The following CERS3 variants were observed in gnomAD, a reference collection of about 807,000 sequenced individuals.
The protein encoded by CERS3 is LAG1 homolog, ceramide synthase 3.
CERS3 carries 33 observed loss-of-function variants against 50.3 expected under a neutral mutation model. That is an observed-to-expected ratio of 0.66 (90% CI 0.50 to 0.88). The LOEUF (loss-of-function observed/expected upper bound fraction) is 0.88. Ranked by LOEUF, CERS3 falls within the 40% of genes least tolerant of loss-of-function variation. CERS3 has a pLI of 0.00. For missense variants in CERS3, 470 were observed against 460.3 expected (o/e 1.02, Z -0.19); for synonymous variants, 176 against 155.2 (o/e 1.13, Z -0.99).
chr15:100,463,738 G>T (rs2034625108), intron 10 of CERS3, among the ~76,000 whole-genome samples: 2 of 152,144 alleles, frequency 1.3e-5, no homozygotes, highest in Admixed American at 6.5e-5. Context: ...TGCAGTGGTG[G>T]CTCAAGGGAG....
chr15:100,410,842 A>C (rs1034323314), intron 11 of CERS3, among the ~76,000 whole-genome samples: 2 of 152,218 alleles, frequency 1.3e-5, no homozygotes, highest in Non-Finnish European at 2.9e-5. Flanking sequence ...TACTATGTTA[A>C]CCATCTTTAA....
rs914197026 is a variant in CERS3, at chr15:100,412,960, A to G, written c.1000-10095T>C. On this transcript the variant is annotated intron_variant, in intron 11 of 11. Coordinates refer to ENST00000679737, the MANE Select transcript of CERS3 (RefSeq NM_001378789.1). ...TCAGTCCCACCCTGTAGAGTGATAC[A>G]GCTTAGTGGCAGCAGAGCCCAGATT... Among the ~76,000 whole-genome samples, 7 of 152,178 alleles carry G rather than the reference A, an allele frequency of 4.6e-5. No homozygotes were observed. In the East Asian group the frequency reaches 1.3e-3, roughly 29 times the overall value.
intron 10 of CERS3, among the ~76,000 whole-genome samples, chr15:100,462,246 T>G (rs2034572386): frequency 6.6e-6 from 1 of 152,226 alleles, no homozygotes; most frequent in Non-Finnish European, 1.5e-5. Context: ...ATTGCAAAAC[T>G]CAGCTTTTTC....
At chr15:100,521,218 G>A (rs73475751) in intron 2 of CERS3, among the ~76,000 whole-genome samples, 5,126 of 152,172 alleles carry the variant, frequency 0.034, 158 homozygotes, top group Admixed American at 0.094. Context: ...ACTCTTCCTC[G>A]TACAAATGAT....
At position 100,541,458 on chromosome 15, in the gene CERS3, C is replaced by T. The variant is rs558034185; in HGVS notation, c.-355+3193G>A. ...CTGCACTCCAGCCTGGGTGACAGAG[C>T]GAGACTCCATCTTAAAAAAAAAAAG... On this transcript the variant is annotated intron_variant, in intron 1 of 12. Transcript: ENST00000284382. 2.5e-3 allele frequency among the ~76,000 whole-genome samples: 377 copies of T among 151,780 alleles called. 1 individual carries two copies. Among genetic ancestry groups the T allele is most frequent in the Admixed American group, 4.1e-3 (62 of 15,220 alleles).
intron 1 of CERS3, among the ~76,000 whole-genome samples, chr15:100,541,341 G>T (rs763480572): frequency 6.6e-6 from 1 of 152,118 alleles, no homozygotes; most frequent in African/African-American, 2.4e-5. Context: ...GCGTGATGGC[G>T]CATGCCTGTA....
rs2030623944 is a variant in CERS3 at position 100,402,516 on chromosome 15, TA to T, written c.*196del. On this transcript the variant is annotated 3_prime_UTR_variant, in exon 12 of 12. Transcript: ENST00000679737. ...TGACCAGTCTGAGTCCTAACTGCAG[TA>T]AAAATCCATGGGCATGCTTATATTT... 1 of 581,896 alleles carries T rather than the reference TA, an allele frequency of 1.7e-6. No homozygotes were observed. The highest frequency in any genetic ancestry group is 2.2e-5 in the South Asian group (1 of 46,124). 36.0% of individuals were successfully genotyped at this position (581,896 alleles called of 1,614,324 possible). A position where few individuals can be genotyped will look rare whatever the true frequency, so the allele number is the denominator to read the frequency against.
intron 1 of CERS3, among the ~76,000 whole-genome samples, chr15:100,543,512 C>T (rs1011075603): frequency 2.0e-5 from 3 of 150,428 alleles, no homozygotes; most frequent in African/African-American, 4.9e-5. Flanking sequence ...CCCTCCCTTC[C>T]TCTCCCTCCT....
Position 100,476,192 on chromosome 15 carries a change from G to T in CERS3, c.517-14C>A. The T allele has an allele frequency of 6.5e-7, 1 of 1,528,892 alleles. No individual in the cohort carries two copies. The highest frequency in any genetic ancestry group is 1.2e-5 in the South Asian group (1 of 80,120). The allele number at this position is 1,528,892 out of a possible 1,614,324, so 94.7% of individuals were successfully genotyped here. A position where few individuals can be genotyped will look rare whatever the true frequency, so the allele number is the denominator to read the frequency against. On this transcript the variant is annotated splice_polypyrimidine_tract_variant and intron_variant, in intron 7 of 11. Coordinates refer to ENST00000679737, the MANE Select transcript of CERS3 (RefSeq NM_001378789.1). Reference sequence around the variant, plus strand: ...TGGCAGCAGGGGCTGAGGAAAAGAAGAGTATTCATTACTTTAAATGCCATC... The same window carrying T: ...TGGCAGCAGGGGCTGAGGAAAAGAATAGTATTCATTACTTTAAATGCCATC...
intron 4 of CERS3, 116 bp downstream of exon 4, chr15:100,490,701 C>T (rs1249647301): frequency 4.5e-6 from 3 of 666,406 alleles, no homozygotes; most frequent in Non-Finnish European, 8.0e-6. Flanking sequence ...CAAGTGAATC[C>T]AGATCATTTG....
chr15:100,451,029 A>T (rs535192189), intron 11 of CERS3, among the ~76,000 whole-genome samples: 107 of 152,334 alleles, frequency 7.0e-4, no homozygotes, highest in African/African-American at 2.5e-3. Flanking sequence ...TCACAACTAC[A>T]CTGGCCCTAC....
At chr15:100,454,011 C>T (rs1257234204) in intron 11 of CERS3, among the ~76,000 whole-genome samples, 2 of 152,006 alleles carry the variant, frequency 1.3e-5, no homozygotes, top group Admixed American at 6.6e-5. Context: ...GAAAGACAGC[C>T]CATGCTCATG....
intron 10 of CERS3, among the ~76,000 whole-genome samples, chr15:100,461,957 CCTT>C (rs1241037644): frequency 6.6e-6 from 1 of 152,152 alleles, no homozygotes; most frequent in Non-Finnish European, 1.5e-5. Flanking sequence ...AGTTTCCTCT[CCTT>C]CTACGCTAAA....
intron 3 of CERS3, among the ~76,000 whole-genome samples, chr15:100,497,302 ATGTATGTG>A (rs900693776): frequency 3.7e-5 from 5 of 133,634 alleles, no homozygotes; most frequent in African/African-American, 1.1e-4. Flanking sequence ...GAGAGCATAT[ATGTATGTG>A]TGTGTGTGTG....
At chr15:100,532,919 A>G (rs1386762516), upstream of CERS3, among the ~76,000 whole-genome samples, 1 of 152,088 alleles carries the variant, frequency 6.6e-6, no homozygotes, top group African/African-American at 2.4e-5. Flanking sequence ...TGTGAAGCCT[A>G]TGTCTTATTG....
chr15:100,462,634 A>G (rs543510885), intron 10 of CERS3, among the ~76,000 whole-genome samples: 3 of 152,302 alleles, frequency 2.0e-5, no homozygotes, highest in Admixed American at 1.3e-4. Flanking sequence ...TGTGTTTCAA[A>G]TATCCTGTTT....
Position 100,484,552 on chromosome 15 carries a change from AG to A in CERS3, c.404del (p.Ala135ValfsTer9). 6.2e-7 allele frequency: 1 copy of A among 1,609,022 alleles called. No homozygotes were observed. On this transcript the variant is annotated frameshift_variant, in exon 5 of 12. Transcript: ENST00000679737. LOFTEE classifies it high-confidence loss of function. Reference protein sequence around the residue: ...RPSRLKKFQEACWRFAFYLMI... With the variant: ...RPSRLKKFQEXCWRFAFYLMI... ...AAAGCTTGGCCCATCCTCCTTACCA[AG>A]CTTCCTGGAATTTCTTCAGCCTGGA...
intron 2 of CERS3, among the ~76,000 whole-genome samples, chr15:100,511,251 T>C (rs992121603): frequency 1.3e-5 from 2 of 152,040 alleles, no homozygotes; most frequent in Non-Finnish European, 2.9e-5. Flanking sequence ...ATTACACCAA[T>C]GCACTCCAGG....
At chr15:100,453,846 C>T (rs138072173) in intron 11 of CERS3, among the ~76,000 whole-genome samples, 15 of 152,134 alleles carry the variant, frequency 9.9e-5, no homozygotes, top group South Asian at 8.3e-4. Context: ...TATATATGAA[C>T]GACACACTAG....
Sources: allele counts gnomAD v4.1 joint callset (sites outside exome capture counted in the v4.1 genomes callset), GRCh38; gene constraint gnomAD v4.1.1; transcripts MANE v1.5; gene names NCBI Gene and HGNC (gene_info 2026-07-23, HGNC 2026-07-21).